FRYL: variants seen among roughly 807,000 people sequenced by gnomAD.
The protein encoded by FRYL is protein furry homolog-like.
A neutral mutation model predicts 351.2 loss-of-function variants in FRYL; 150 were observed. The observed-to-expected ratio is 0.43, with a 90% CI of 0.37 to 0.49. FRYL has a LOEUF of 0.49. Among genes scored for constraint, FRYL ranks in the 20% least tolerant of loss-of-function variants. The pLI is 0.00. For missense variants in FRYL, 3,036 were observed against 3,619.3 expected, an observed-to-expected ratio of 0.84 and a Z score of 4.13; for synonymous variants, 1,153 against 1,257.1, an observed-to-expected ratio of 0.92 and a Z score of 1.75.
chr4:48,742,346 G>A (rs1480061052), intron 1 of FRYL, among the ~76,000 whole-genome samples: 1 of 152,114 alleles, frequency 6.6e-6, no homozygotes. Flanking sequence ...CCTTGAAACT[G>A]TTCCCTCATT....
At position 48,593,999 on chromosome 4, in the gene FRYL, T is replaced by G; in HGVS notation, c.1266A>C (p.Ala422=). The change falls in exon 16 of 64, where the codon GCA becomes GCC. Residue 422 remains alanine (A), a synonymous_variant. Coordinates refer to ENST00000358350, the MANE Select transcript of FRYL (RefSeq NM_015030.2). ...QFIAQERLDF[A]MKEIIFDLLS... ...GAAGATCAAATATTATTTCTTTCAT[T>G]GCAAAATCCAAGCGTTCCTTAAAAA... 2 of 1,486,396 alleles carry G rather than the reference T, an allele frequency of 1.3e-6. No individual in the cohort carries two copies. Among genetic ancestry groups the G allele is most frequent in the Non-Finnish European group, 1.8e-6 (2 of 1,118,296 alleles). The allele number at this position is 1,486,396 out of a possible 1,614,324, so 92.1% of individuals were successfully genotyped here.
chr4:48,594,038 A>G (rs1312797732), intron 15 of FRYL, 22 bp from the exon 16 acceptor site: 9 of 1,234,476 alleles, frequency 7.3e-6, no homozygotes, highest in South Asian at 4.6e-5. Flanking sequence ...AAAAATCCTT[A>G]TAACTTGCTA....
intron 50 of FRYL, 139 bp downstream of exon 50, chr4:48,531,017 C>T (rs1727465425): frequency 6.4e-6 from 4 of 623,368 alleles, no homozygotes; most frequent in Non-Finnish European, 1.1e-5. Context: ...TCCCCATCCC[C>T]ACTTGGTTGT....
At chr4:48,628,371 A>T (rs866726673) in intron 4 of FRYL, among the ~76,000 whole-genome samples, 2 of 152,036 alleles carry the variant, frequency 1.3e-5, no homozygotes, top group Non-Finnish European at 2.9e-5. Flanking sequence ...TAGATTGTTA[A>T]AATAAAAATA....
chr4:48,641,019 A>T (rs1755209649), intron 3 of FRYL, among the ~76,000 whole-genome samples: 1 of 152,202 alleles, frequency 6.6e-6, no homozygotes, highest in Non-Finnish European at 1.5e-5. Context: ...TAGACAGATT[A>T]AAAGTAGTGA....
In FRYL at chr4:48,531,234, T is replaced by C. The variant is rs561879875; in HGVS notation, c.6825A>G (p.Ile2275Met). 2 of 1,612,044 alleles carry C rather than the reference T, an allele frequency of 1.2e-6. No homozygotes were observed. The highest frequency in any genetic ancestry group is 4.5e-5 in the East Asian group (2 of 44,846). The change falls in exon 50 of 64, where the codon ATA (isoleucine) becomes ATG (methionine). Residue 2275 changes from isoleucine to methionine, a missense_variant. Ile to Met is a conservative substitution (Grantham distance 10). Transcript: ENST00000358350. ...CATTATTAAAAATTTTAGTGAAGGA[T>C]ATTTCAGGAGAACCTGTATCTCCTC... ...TYGGDTGSPE[I>M]SFTKIFNNVS...
chr4:48,777,717 T>C (rs1776172231), intron 1 of FRYL, among the ~76,000 whole-genome samples: 1 of 152,224 alleles, frequency 6.6e-6, no homozygotes, highest in Non-Finnish European at 1.5e-5. Flanking sequence ...TTAAATAAAT[T>C]GGTAAGTAAA....
chr4:48,540,778 C>T lies in FRYL; in HGVS notation c.5870G>A (p.Ser1957Asn), dbSNP rs1229486530. The T allele has an allele frequency of 1.9e-6, 3 of 1,613,852 alleles. No individual in the cohort carries two copies. The highest frequency in any genetic ancestry group is 1.3e-5 in the African/African-American group (1 of 74,910). ...TCCATCCATTATATCCAGTGTGTTA[C>T]TCCGCCGCCGGTCACCTCGTCGGTC... ...IGDRRGDRRR[S>N]NTLDIMDGRI... The change falls in exon 46 of 64, where the codon AGT (serine) becomes AAT (asparagine). Residue 1957 changes from serine to asparagine, a missense_variant. Physicochemically the swap from Ser to Asn is conservative, Grantham distance 46 (BLOSUM62 1). Around this residue, in one of 7 missense-constraint regions of FRYL, gnomAD observed 1,987 missense variants for 2,311.7 expected, o/e 0.86. Coordinates refer to ENST00000358350, the MANE Select transcript of FRYL (RefSeq NM_015030.2).
chr4:48,513,389 G>C (rs910698618), intron 56 of FRYL, among the ~76,000 whole-genome samples: 1 of 152,026 alleles, frequency 6.6e-6, no homozygotes, highest in African/African-American at 2.4e-5. Context: ...ATAAGACCTC[G>C]CCATTTCCTT....
intron 18 of FRYL, 45 bp downstream of exon 18, chr4:48,589,694 CTGTCTT>C: frequency 6.4e-7 from 1 of 1,573,352 alleles, no homozygotes; most frequent in Non-Finnish European, 8.7e-7. Flanking sequence ...ACCATCCACA[CTGTCTT>C]AGGAAAACTG....
At chr4:48,513,845 T>G (rs1183411827) in intron 56 of FRYL, among the ~76,000 whole-genome samples, 1 of 152,222 alleles carries the variant, frequency 6.6e-6, no homozygotes, top group Non-Finnish European at 1.5e-5. Flanking sequence ...CCATTCTATT[T>G]CAGCTGCAGT....
chr4:48,767,884 G>A (rs1206723673), intron 1 of FRYL, among the ~76,000 whole-genome samples: 2 of 152,138 alleles, frequency 1.3e-5, no homozygotes, highest in Admixed American at 6.5e-5. Context: ...AGGCAAGGAC[G>A]CCAACAGCAC....
chr4:48,525,096 A>T (rs1725735101), intron 53 of FRYL, among the ~76,000 whole-genome samples: 1 of 150,170 alleles, frequency 6.7e-6, no homozygotes, highest in South Asian at 2.1e-4. Context: ...AAAGGAAGAG[A>T]ATAGAAAATA....
At chr4:48,501,816 T>G in intron 61 of FRYL, 83 bp from the exon 62 acceptor site, 2 of 874,998 alleles carry the variant, frequency 2.3e-6, no homozygotes, top group Non-Finnish European at 3.7e-6. Flanking sequence ...GTTAAAATTG[T>G]CTTGTCGTTT....
At chr4:48,638,776 C>T (rs775352884) in intron 3 of FRYL, among the ~76,000 whole-genome samples, 1 of 152,114 alleles carries the variant, frequency 6.6e-6, no homozygotes, top group African/African-American at 2.4e-5. Context: ...ACTATGCAGC[C>T]ATAAAAAGGA....
intron 33 of FRYL, among the ~76,000 whole-genome samples, chr4:48,560,168 C>A (rs774186608): frequency 2.0e-4 from 31 of 152,088 alleles, no homozygotes; most frequent in Non-Finnish European, 3.8e-4. Context: ...CATTTAGAGA[C>A]CATTGCATTG....
chr4:48,570,807 A>G lies in FRYL; in HGVS notation c.2996+20T>C, dbSNP rs748371338. The G allele has an allele frequency of 1.9e-6, 3 of 1,546,582 alleles. No homozygotes were observed. Among genetic ancestry groups the G allele is most frequent in the East Asian group, 2.2e-5 (1 of 44,544 alleles). ...TCTAGGATCATTCCAGAGTTTTAAC[A>G]ATGTGAATCCAATACTGACCTGTGA... On this transcript the variant is annotated intron_variant, in intron 27 of 63. Transcript: ENST00000358350.
chr4:48,776,665 C>T (rs932409737), intron 1 of FRYL, among the ~76,000 whole-genome samples: 2 of 152,128 alleles, frequency 1.3e-5, no homozygotes, highest in Non-Finnish European at 2.9e-5. Context: ...AGAGGAAGAG[C>T]TTGCAGACAA....
rs537213476 is a variant in FRYL at position 48,515,348 on chromosome 4, T to C, written c.7690-73A>G. 3.0e-5 allele frequency: 32 copies of C among 1,081,918 alleles called. No individual in the cohort carries two copies. In the Admixed American group the frequency reaches 3.3e-4, roughly 11 times the overall value. 67.0% of individuals were successfully genotyped at this position (1,081,918 alleles called of 1,614,324 possible). ...AATTTTACAACACAATAAATAAGTA[T>C]TGCCATCCATCTAAGTCTGTTTTAT... On this transcript the variant is annotated intron_variant, in intron 55 of 63. Transcript: ENST00000358350.
Sources: allele counts gnomAD v4.1 joint callset (sites outside exome capture counted in the v4.1 genomes callset), GRCh38; gene constraint gnomAD v4.1.1; regional missense constraint gnomAD v4.1.1; transcripts MANE v1.5; gene names NCBI Gene and HGNC (gene_info 2026-07-23, HGNC 2026-07-21).